Variants in ACYP2 observed in about 807,000 individuals in gnomAD.
ACYP2 encodes acylphosphatase 2, also known as acylphosphatase-2.
In ACYP2, 12 loss-of-function variants were observed where a neutral mutation model predicts 11.2. The observed-to-expected ratio is 1.08, with a 90% CI of 0.69 to 1.74. The LOEUF (loss-of-function observed/expected upper bound fraction) is 1.74. Ranked by LOEUF, ACYP2 falls within the 40% of genes most tolerant of loss-of-function variation. The pLI is 0.00. For synonymous variants in ACYP2, 43 were observed against 32.2 expected (o/e 1.33, Z -1.13); for missense variants, 134 against 101.9 (o/e 1.31, Z -1.35).
intron 6 of ACYP2, among the ~76,000 whole-genome samples, chr2:54,158,970 A>G (rs1682576523): frequency 6.6e-6 from 1 of 152,086 alleles, no homozygotes; most frequent in Non-Finnish European, 1.5e-5. Context: ...AGCTAACTAA[A>G]CATTTGGTTT....
intron 2 of ACYP2, among the ~76,000 whole-genome samples, chr2:53,987,241 C>T (rs1324020972): frequency 6.6e-6 from 1 of 152,000 alleles, no homozygotes; most frequent in African/African-American, 2.4e-5. Context: ...TCCTGTTTCT[C>T]CATCTGGGAG....
At chr2:54,097,984 G>C (rs1219275235) in intron 4 of ACYP2, among the ~76,000 whole-genome samples, 1 of 123,934 alleles carries the variant, frequency 8.1e-6, no homozygotes, top group African/African-American at 3.1e-5. Context: ...TTTTTTTGAG[G>C]TGGAGTCTCC....
intron 6 of ACYP2, among the ~76,000 whole-genome samples, chr2:54,167,313 A>T (rs72908720): frequency 0.025 from 3,804 of 152,330 alleles, 160 homozygotes; most frequent in African/African-American, 0.085. Context: ...AATTGAGGAC[A>T]GCTTTGAACA....
chr2:54,202,088 G>T (rs118060207), intron 6 of ACYP2, among the ~76,000 whole-genome samples: 2 of 151,902 alleles, frequency 1.3e-5, no homozygotes, highest in Non-Finnish European at 2.9e-5. Flanking sequence ...TTTGCATACA[G>T]TGTAAGGTAG....
intron 2 of ACYP2, among the ~76,000 whole-genome samples, chr2:53,996,079 A>C (rs1177201676): frequency 2.0e-5 from 3 of 152,008 alleles, no homozygotes; most frequent in African/African-American, 7.2e-5. Context: ...GATGGCAGTC[A>C]GCCTAGATTG....
chr2:53,991,782 T>G (rs1441626257), intron 2 of ACYP2, among the ~76,000 whole-genome samples: 1 of 151,972 alleles, frequency 6.6e-6, no homozygotes, highest in Admixed American at 6.6e-5. Context: ...TTTTTTTAAG[T>G]TTTTTATATT....
chr2:54,133,103 A>G (rs1383850852), intron 4 of ACYP2, among the ~76,000 whole-genome samples: 1 of 152,094 alleles, frequency 6.6e-6, no homozygotes, highest in East Asian at 1.9e-4. Context: ...GAGATATAGA[A>G]CAGTCCCATC....
intron 2 of ACYP2, among the ~76,000 whole-genome samples, chr2:54,018,177 G>C: frequency 6.6e-6 from 1 of 152,192 alleles, no homozygotes; most frequent in East Asian, 1.9e-4. Flanking sequence ...TAGACCAGTA[G>C]TTCTCAAACC....
intron 2 of ACYP2, among the ~76,000 whole-genome samples, chr2:54,008,940 G>A (rs1673213430): frequency 6.6e-6 from 1 of 152,046 alleles, no homozygotes; most frequent in African/African-American, 2.4e-5. Context: ...ATCACCTGAG[G>A]TCAAGAGTTC....
intron 6 of ACYP2, chr2:54,255,876 T>G: frequency 6.2e-7 from 1 of 1,613,988 alleles, no homozygotes; most frequent in East Asian, 2.2e-5. Flanking sequence ...CCGCGGGTGG[T>G]GGAGTCACTT....
At chr2:54,034,880 G>T (rs1674793577) in intron 2 of ACYP2, among the ~76,000 whole-genome samples, 1 of 151,644 alleles carries the variant, frequency 6.6e-6, no homozygotes, top group African/African-American at 2.4e-5. Flanking sequence ...CGTCGTGGCA[G>T]GCGACTATAA....
At chr2:54,170,441 C>T (rs1162914289) in intron 6 of ACYP2, among the ~76,000 whole-genome samples, 1 of 152,206 alleles carries the variant, frequency 6.6e-6, no homozygotes, top group Non-Finnish European at 1.5e-5. Context: ...GCATGAGCCA[C>T]CACGCCTGGC....
At chr2:53,986,234 C>T (rs184422276) in intron 2 of ACYP2, among the ~76,000 whole-genome samples, 1 of 152,184 alleles carries the variant, frequency 6.6e-6, no homozygotes, top group Admixed American at 6.6e-5. Flanking sequence ...TATGCTGTCT[C>T]TTCTTCCCCT....
At chr2:54,159,433 C>G (rs1011011348) in intron 6 of ACYP2, among the ~76,000 whole-genome samples, 6 of 150,378 alleles carry the variant, frequency 4.0e-5, no homozygotes, top group South Asian at 2.1e-4. Flanking sequence ...GTCTTGAACT[C>G]CTGGGCTCAA....
In ACYP2 at chr2:54,065,700, T is replaced by C. The variant is rs2302939; in HGVS notation, c.277+8340T>C. The C allele has an allele frequency of 1.8e-5, 7 of 392,686 alleles. No homozygotes were observed. In the East Asian group the frequency reaches 2.5e-4, roughly 14 times the overall value. 24.3% of individuals were successfully genotyped at this position (392,686 alleles called of 1,614,324 possible). The stretch of plus-strand genomic sequence containing the variant: ...TCCTTACACATATTGGTGAATAAAA[T>C]GTTTAACAGGCTGTAGCCGGAAAGT... On this transcript the variant is annotated intron_variant, in intron 4 of 6. Transcript: ENST00000607452.
intron 3 of ACYP2, among the ~76,000 whole-genome samples, chr2:54,052,382 A>G (rs1240824124): frequency 6.6e-6 from 1 of 152,110 alleles, no homozygotes; most frequent in Admixed American, 6.6e-5. Context: ...TGTGGCTAAA[A>G]CTGTACTTTG....
chr2:54,301,222 T>C (rs1328700127), intron 6 of ACYP2, among the ~76,000 whole-genome samples: 2 of 152,232 alleles, frequency 1.3e-5, no homozygotes, highest in African/African-American at 4.8e-5. Flanking sequence ...TACCAACATT[T>C]TTCCTGTGCT....
chr2:54,161,291 A>G (rs997063336), intron 6 of ACYP2, among the ~76,000 whole-genome samples: 1 of 152,242 alleles, frequency 6.6e-6, no homozygotes, highest in African/African-American at 2.4e-5. Context: ...TCCACACAGC[A>G]GAACAACTAA....
At chr2:54,192,759 T>TG (rs1284752431) in intron 6 of ACYP2, among the ~76,000 whole-genome samples, 3 of 152,144 alleles carry the variant, frequency 2.0e-5, no homozygotes, top group Non-Finnish European at 4.4e-5. Flanking sequence ...CGGTTCTGCA[T>TG]GGCTAGGGAG....
Sources: allele counts gnomAD v4.1 joint callset (sites outside exome capture counted in the v4.1 genomes callset), GRCh38; gene constraint gnomAD v4.1.1; transcripts MANE v1.5; gene names NCBI Gene and HGNC (gene_info 2026-07-23, HGNC 2026-07-21).